BCAR3: variants seen among roughly 807,000 people sequenced by gnomAD.
The protein encoded by BCAR3 is BCAR3 adaptor protein, NSP family member.
Under a neutral mutation model 80.1 loss-of-function variants are expected in BCAR3, and 37 were observed. That is an observed-to-expected ratio of 0.46 (90% CI 0.36 to 0.61). BCAR3 has a LOEUF of 0.61. Ranked by LOEUF, BCAR3 falls within the 20% of genes least tolerant of loss-of-function variation. BCAR3 has a pLI of 0.00. For missense variants in BCAR3, 978 were observed against 1,068.2 expected (o/e 0.92, Z 1.18); for synonymous variants, 389 against 418.9 (o/e 0.93, Z 0.87).
intron 2 of BCAR3, 36 bp downstream of exon 2, chr1:93,674,578 A>G (rs746303703): frequency 1.2e-6 from 2 of 1,604,664 alleles, no homozygotes; most frequent in South Asian, 1.1e-5. Flanking sequence ...GCTGTTTAAG[A>G]CAAATCATCT....
intron 3 of BCAR3, among the ~76,000 whole-genome samples, chr1:93,616,908 AG>A (rs2101885466): frequency 6.6e-6 from 1 of 152,350 alleles, no homozygotes; most frequent in African/African-American, 2.4e-5. Flanking sequence ...CTTTGCACCG[AG>A]GGAAACACTT....
upstream of BCAR3, among the ~76,000 whole-genome samples, chr1:93,684,191 G>A (rs149100787): frequency 1.1e-4 from 17 of 152,252 alleles, no homozygotes; most frequent in South Asian, 2.1e-4. Context: ...CGAAGTATCC[G>A]AAATTCATTT....
chr1:93,589,347 C>A lies in BCAR3; in HGVS notation c.559G>T (p.Val187Phe). 8.7e-6 allele frequency: 14 copies of A among 1,614,118 alleles called. No homozygotes were observed. Among genetic ancestry groups the A allele is most frequent in the Non-Finnish European group, 1.2e-5 (14 of 1,180,016 alleles). ...AGGTTCTTCCACTGACAGGTCAGGA[C>A]AAAGTTCCCAGGGCTGGACAGAGAG... ...RDSLSSPGNF[V>F]LTCQWKNLAQ... The change falls in exon 5 of 12, where the codon GTC (valine) becomes TTC (phenylalanine). Residue 187 changes from valine to phenylalanine, a missense_variant. Val to Phe is a conservative substitution (Grantham distance 50). Coordinates refer to ENST00000260502, the MANE Select transcript of BCAR3 (RefSeq NM_003567.4).
chr1:93,790,255 A>T (rs561020215), intron 2 of BCAR3, among the ~76,000 whole-genome samples: 108 of 152,300 alleles, frequency 7.1e-4, no homozygotes, highest in African/African-American at 2.5e-3. Flanking sequence ...ATAACATATT[A>T]TAGAAAAAAA....
intron 7 of BCAR3, among the ~76,000 whole-genome samples, chr1:93,580,074 G>A (rs533207658): frequency 1.3e-5 from 2 of 152,294 alleles, no homozygotes; most frequent in South Asian, 2.1e-4. Context: ...TCCACCCTCA[G>A]CCCCACCTCC....
At chr1:93,678,196 A>G (rs1204113913) in intron 1 of BCAR3, among the ~76,000 whole-genome samples, 1 of 152,238 alleles carries the variant, frequency 6.6e-6, no homozygotes, top group African/African-American at 2.4e-5. Context: ...GTATTGACCA[A>G]TGTGAAGCCA....
chr1:93,728,113 G>A (rs1275647447), intron 2 of BCAR3, among the ~76,000 whole-genome samples: 2 of 152,240 alleles, frequency 1.3e-5, no homozygotes, highest in African/African-American at 4.8e-5. Context: ...TTTGATGTGA[G>A]GCTTTTGGCC....
At chr1:93,825,730 AG>A (rs1557700841) in intron 2 of BCAR3, among the ~76,000 whole-genome samples, 1 of 152,018 alleles carries the variant, frequency 6.6e-6, no homozygotes, top group Non-Finnish European at 1.5e-5. Flanking sequence ...AGCAGAGGAG[AG>A]GGTATCATTT....
At chr1:93,644,975 C>T (rs1676109919) in intron 2 of BCAR3, among the ~76,000 whole-genome samples, 1 of 152,232 alleles carries the variant, frequency 6.6e-6, no homozygotes, top group Non-Finnish European at 1.5e-5. Context: ...CAGAATTAAT[C>T]TCAATTTGGC....
In BCAR3 at chr1:93,842,800, G is replaced by A. The variant is rs112814285; in HGVS notation, c.-63+2767C>T. Among the ~76,000 whole-genome samples the A allele has an allele frequency of 9.3e-4, 141 of 152,160 alleles. 3 individuals are homozygous for A. Among genetic ancestry groups the A allele is most frequent in the African/African-American group, 3.3e-3 (137 of 41,498 alleles). ...GACACATCTTCCATCACCCCAAACT[G>A]TACTTCCATAAGGACCCATCCAACC... On this transcript the variant is annotated intron_variant, in intron 2 of 13. Transcript: ENST00000370244.
At chr1:93,707,159 C>A (rs1411810482) in intron 2 of BCAR3, among the ~76,000 whole-genome samples, 4 of 151,734 alleles carry the variant, frequency 2.6e-5, no homozygotes, top group Admixed American at 2.6e-4. Flanking sequence ...TAGGTGACAA[C>A]AGCAAGACTC....
At chr1:93,758,197 C>A (rs755522780) in intron 2 of BCAR3, among the ~76,000 whole-genome samples, 1 of 152,204 alleles carries the variant, frequency 6.6e-6, no homozygotes, top group Non-Finnish European at 1.5e-5. Context: ...ATGAGGGCAG[C>A]CTGCCTAGCA....
At chr1:93,688,699 A>G (rs1649059266) in intron 3 of BCAR3, among the ~76,000 whole-genome samples, 1 of 152,014 alleles carries the variant, frequency 6.6e-6, no homozygotes, top group African/African-American at 2.4e-5. Context: ...GGGTTCAAGC[A>G]ACTCTCCTGC....
intron 1 of BCAR3, among the ~76,000 whole-genome samples, chr1:93,680,191 G>A (rs1180691669): frequency 1.3e-5 from 2 of 152,194 alleles, no homozygotes; most frequent in East Asian, 1.9e-4. Context: ...AAGCAACACA[G>A]TACAGGATTT....
intron 3 of BCAR3, among the ~76,000 whole-genome samples, chr1:93,696,042 C>CTT (rs35365686): frequency 3.0e-4 from 44 of 146,262 alleles, no homozygotes; most frequent in Non-Finnish European, 5.1e-4. Context: ...CTGCTTCTCT[C>CTT]TTTTTTTTTT....
intron 3 of BCAR3, among the ~76,000 whole-genome samples, chr1:93,605,212 T>G (rs1213614665): frequency 6.6e-6 from 1 of 152,118 alleles, no homozygotes; most frequent in Non-Finnish European, 1.5e-5. Flanking sequence ...TAGAGAGAAG[T>G]CGGATGTGCC....
Position 93,582,556 on chromosome 1 carries a change from G to C in BCAR3, c.1431C>G (p.Ile477Met). The C allele has an allele frequency of 1.9e-6, 3 of 1,613,498 alleles. No individual in the cohort carries two copies. Among genetic ancestry groups the C allele is most frequent in the Non-Finnish European group, 2.5e-6 (3 of 1,179,736 alleles). ...GPRNSGVNYL[I>M]LDDDDRERPW... ...GTCTTTCCCTGTCATCATCATCAAG[G>C]ATCAAGTAGTTGACGCCAGAGTTCC... Residue 477 changes from isoleucine (I) to methionine (M), a missense_variant, in exon 7 of 12, where the codon ATC (isoleucine) becomes ATG (methionine). By Grantham distance (10) the Ile-to-Met change is conservative. Coordinates refer to ENST00000260502, the MANE Select transcript of BCAR3 (RefSeq NM_003567.4).
At chr1:93,811,959 C>G (rs910613556) in intron 2 of BCAR3, among the ~76,000 whole-genome samples, 1 of 152,210 alleles carries the variant, frequency 6.6e-6, no homozygotes, top group Non-Finnish European at 1.5e-5. Context: ...TCTCCTGACT[C>G]CCAGCCTGTT....
intron 2 of BCAR3, among the ~76,000 whole-genome samples, chr1:93,653,451 G>A (rs879944332): frequency 6.6e-6 from 1 of 152,096 alleles, no homozygotes; most frequent in Non-Finnish European, 1.5e-5. Context: ...TTTTATATAT[G>A]CTCTTTCCCT....
Sources: gnomAD v4.1 joint callset for allele counts (sites outside exome capture counted in the v4.1 genomes callset) on GRCh38, gnomAD v4.1.1 for gene constraint, MANE v1.5 for transcripts, NCBI Gene and HGNC (gene_info 2026-07-23, HGNC 2026-07-21) for gene names.